The following APP variants were observed in gnomAD, a reference collection of about 807,000 sequenced individuals.
APP encodes the protein amyloid beta precursor protein.
In APP, 31 loss-of-function variants were observed where a neutral mutation model predicts 101.4. That is an observed-to-expected ratio of 0.31 (90% confidence interval 0.23 to 0.41). APP has a LOEUF of 0.41. Ranked by LOEUF, APP falls within the 10% of genes least tolerant of loss-of-function variation. The probability of loss-of-function intolerance (pLI) is 1.00; values close to 1 mark genes in which losing one functional copy is unlikely to be tolerated. For missense variants in APP, 839 were observed against 1,003.7 expected, an observed-to-expected ratio of 0.84 and a Z score of 2.22; for synonymous variants, 366 against 364.4, an observed-to-expected ratio of 1.00 and a Z score of -0.05.
In APP at chr21:26,010,666, A is replaced by AT. The variant is rs201306604; in HGVS notation, c.866-10485_866-10484insA. Among the ~76,000 whole-genome samples the AT allele has an allele frequency of 3.0e-3, 453 of 151,194 alleles. 6 individuals are homozygous for AT. Among genetic ancestry groups the AT allele is most frequent in the African/African-American group, 0.01 (421 of 41,198 alleles). On this transcript the variant is annotated intron_variant, in intron 6 of 17. Coordinates refer to ENST00000346798, the MANE Select transcript of APP (RefSeq NM_000484.4). ...CTCTACTAAAACTACAAAAAAAAAA[A>AT]ATATATTAGCCGGGCGCAGTGGCAG...
intron 13 of APP, among the ~76,000 whole-genome samples, chr21:25,918,297 G>A (rs1337743639): frequency 6.6e-6 from 1 of 152,234 alleles, no homozygotes; most frequent in Non-Finnish European, 1.5e-5. Flanking sequence ...ATCAACGATA[G>A]ACTGGATAAA....
intron 3 of APP, 137 bp from the exon 4 acceptor site, chr21:26,053,485 C>T: frequency 2.9e-6 from 2 of 681,594 alleles, no homozygotes; most frequent in Non-Finnish European, 5.4e-6. Flanking sequence ...CAAGACCCTA[C>T]TACCTTTAGA....
intron 17 of APP, among the ~76,000 whole-genome samples, chr21:25,891,328 T>G (rs185745849): frequency 1.3e-5 from 2 of 152,308 alleles, no homozygotes; most frequent in East Asian, 3.9e-4. Flanking sequence ...AGAATAAACA[T>G]GTTTAGTTTT....
chr21:25,928,188 C>T (rs990840150), intron 13 of APP, among the ~76,000 whole-genome samples: 2 of 76,508 alleles, frequency 2.6e-5, no homozygotes, highest in African/African-American at 5.4e-5. Flanking sequence ...ACTAAAAATA[C>T]AAAAATTAGC....
chr21:26,112,468 C>T lies in APP; in HGVS notation c.58-322G>A, dbSNP rs535967326. Reference sequence around the variant, plus strand: ...GAAAGGTTCTGACAACAAAATTACACGTTTTCCTATAATAAATATAATCAC... The same window carrying T: ...GAAAGGTTCTGACAACAAAATTACATGTTTTCCTATAATAAATATAATCAC... On this transcript the variant is annotated intron_variant, in intron 1 of 17. Transcript: ENST00000346798. 4.6e-5 allele frequency among the ~76,000 whole-genome samples: 7 copies of T among 152,274 alleles called. No individual in the cohort carries two copies. The East Asian group carries it at 1.2e-3, about 25-fold the overall frequency.
chr21:26,168,232 C>A (rs1236141374), intron 1 of APP, among the ~76,000 whole-genome samples: 1 of 152,132 alleles, frequency 6.6e-6, no homozygotes, highest in Non-Finnish European at 1.5e-5. Context: ...TAGCCAAGGC[C>A]CCATTATCAT....
intron 5 of APP, among the ~76,000 whole-genome samples, chr21:26,027,472 G>A (rs569100400): frequency 1.3e-5 from 2 of 152,268 alleles, no homozygotes; most frequent in Admixed American, 6.5e-5. Flanking sequence ...TACTAAATTA[G>A]GAAAATGTTT....
In APP at chr21:26,151,458, A is replaced by C. The variant is rs182468402; in HGVS notation, c.57+19106T>G. ...AGATCAGCCTTTCCTTATTTTTGCTAATCTGTGTGGTGTACGTTCATTACC... is the reference window on the plus strand; with the variant it reads ...AGATCAGCCTTTCCTTATTTTTGCTCATCTGTGTGGTGTACGTTCATTACC... On this transcript the variant is annotated intron_variant, in intron 1 of 17. Transcript: ENST00000346798. Among the ~76,000 whole-genome samples the C allele has an allele frequency of 2.1e-3, 313 of 152,226 alleles. 1 individual carries two copies. The highest frequency in any genetic ancestry group is 7.2e-3 in the African/African-American group (298 of 41,550).
At chr21:26,025,644 C>T (rs2044536378) in intron 5 of APP, among the ~76,000 whole-genome samples, 1 of 152,160 alleles carries the variant, frequency 6.6e-6, no homozygotes, top group South Asian at 2.1e-4. Flanking sequence ...GATCTGCATT[C>T]TGGTATGTGT....
At chr21:25,942,786 C>T (rs2040631289) in intron 13 of APP, 1 of 152,080 alleles carries the variant, frequency 6.6e-6, no homozygotes, top group Admixed American at 6.5e-5. Flanking sequence ...ATATATATAA[C>T]ATAAATCTTA....
At chr21:26,047,577 A>AC (rs2045661892) in intron 5 of APP, among the ~76,000 whole-genome samples, 1 of 152,200 alleles carries the variant, frequency 6.6e-6, no homozygotes, top group African/African-American at 2.4e-5. Context: ...GGTGCAAGTG[A>AC]CCTGATATAC....
At chr21:26,121,007 C>T (rs140082750) in intron 1 of APP, among the ~76,000 whole-genome samples, 21 of 152,168 alleles carry the variant, frequency 1.4e-4, no homozygotes, top group Admixed American at 5.2e-4. Flanking sequence ...CAGCCCTCTC[C>T]GGGAGGTAGG....
In APP at chr21:25,892,970, T is replaced by C. The variant is rs576847566; in HGVS notation, c.2065-1102A>G. The stretch of plus-strand genomic sequence containing the variant: ...TATTTAAAAAAAAAAAACAAAAAGG[T>C]TTCTGGTAACCCTGCATCGAACAAG... On this transcript the variant is annotated intron_variant, in intron 16 of 17. Coordinates refer to ENST00000346798, the MANE Select transcript of APP (RefSeq NM_000484.4). Among the ~76,000 whole-genome samples, 21 of 125,462 alleles carry C rather than the reference T, an allele frequency of 1.7e-4. 1 individual carries two copies. The highest frequency in any genetic ancestry group is 1.5e-3 in the Admixed American group (19 of 12,746). The allele number at this position is 125,462 out of a possible 152,430, so 82.3% of individuals were successfully genotyped here.
intron 17 of APP, among the ~76,000 whole-genome samples, chr21:25,889,089 G>A (rs1225883138): frequency 1.3e-5 from 2 of 152,172 alleles, no homozygotes; most frequent in African/African-American, 4.8e-5. Flanking sequence ...AGCATCACTG[G>A]GGTCTGTTAC....
Position 25,881,273 on chromosome 21 carries a change from A to G in APP, c.*397T>C. 1 of 270,308 alleles carries G rather than the reference A, an allele frequency of 3.7e-6. No individual in the cohort carries two copies. The highest frequency in any genetic ancestry group is 7.2e-6 in the Non-Finnish European group (1 of 138,502). 16.7% of individuals were successfully genotyped at this position (270,308 alleles called of 1,614,324 possible). The stretch of plus-strand genomic sequence containing the variant: ...CTGAACTCCCACGTTCACATGAAGC[A>G]TCCCCCATCGATTCTTAAAGCATAT... On this transcript the variant is annotated 3_prime_UTR_variant, in exon 18 of 18. Transcript: ENST00000346798.
At chr21:26,025,297 C>T (rs114669663) in intron 5 of APP, among the ~76,000 whole-genome samples, 3,232 of 152,216 alleles carry the variant, frequency 0.021, 106 homozygotes, top group African/African-American at 0.074. Context: ...AGTTAATTTA[C>T]CGTGTTTGAG....
At chr21:26,150,597 C>CTAGATAGATAGATAGA (rs767289054) in intron 1 of APP, among the ~76,000 whole-genome samples, 10 of 83,418 alleles carry the variant, frequency 1.2e-4, no homozygotes, top group South Asian at 3.8e-4. Context: ...TGATTGACAT[C>CTAGATAGATAGATAGA]TAGATAGACA....
chr21:25,888,375 C>A (rs2037476509), intron 17 of APP, among the ~76,000 whole-genome samples: 1 of 152,156 alleles, frequency 6.6e-6, no homozygotes, highest in Non-Finnish European at 1.5e-5. Flanking sequence ...GGTTGCAACT[C>A]CCTGTGTTCA....
At chr21:26,043,596 C>T (rs1239437643) in intron 5 of APP, among the ~76,000 whole-genome samples, 1 of 152,144 alleles carries the variant, frequency 6.6e-6, no homozygotes, top group Non-Finnish European at 1.5e-5. Context: ...AACATGATGA[C>T]GTAGGTGTAT....
Sources: gnomAD v4.1 joint callset for allele counts (sites outside exome capture counted in the v4.1 genomes callset) on GRCh38, gnomAD v4.1.1 for gene constraint, MANE v1.5 for transcripts, NCBI Gene and HGNC (gene_info 2026-07-23, HGNC 2026-07-21) for gene names.